PCMTD1: variants seen among roughly 807,000 people sequenced by gnomAD.
The protein encoded by PCMTD1 is protein-L-isoaspartate (D-aspartate) O-methyltransferase domain containing 1, also known as protein-L-isoaspartate O-methyltransferase domain-containing protein 1.
A neutral mutation model predicts 37.6 loss-of-function variants in PCMTD1; 12 were observed. The observed-to-expected ratio is 0.32, with a 90% CI of 0.20 to 0.52. The LOEUF is 0.52. Among genes scored for constraint, PCMTD1 ranks in the 20% least tolerant of loss-of-function variants. The probability of loss-of-function intolerance (pLI) is 0.97; values close to 1 mark genes in which losing one functional copy is unlikely to be tolerated. For synonymous variants in PCMTD1, 117 were observed against 135.8 expected (o/e 0.86, Z 0.96); for missense variants, 235 against 421.3 (o/e 0.56, Z 3.87).
intron 1 of PCMTD1, among the ~76,000 whole-genome samples, chr8:51,891,626 T>C (rs1431692637): frequency 6.7e-6 from 1 of 149,442 alleles, no homozygotes; most frequent in African/African-American, 2.5e-5. Flanking sequence ...AAAGAGAATA[T>C]ATCATTATTC....
At chr8:51,890,180 C>A (rs1257294965) in intron 1 of PCMTD1, among the ~76,000 whole-genome samples, 2 of 152,038 alleles carry the variant, frequency 1.3e-5, no homozygotes, top group African/African-American at 2.4e-5. Flanking sequence ...TTTCTAATTT[C>A]TCTGGTTCAT....
intron 1 of PCMTD1, among the ~76,000 whole-genome samples, chr8:51,889,951 CAAT>C (rs2038914557): frequency 1.2e-5 from 1 of 83,714 alleles, no homozygotes; most frequent in Non-Finnish European, 2.4e-5. Flanking sequence ...TGCCTAGATA[CAAT>C]AAAACCAGTG....
chr8:51,889,599 T>G (rs902934071), intron 1 of PCMTD1, among the ~76,000 whole-genome samples: 1 of 152,228 alleles, frequency 6.6e-6, no homozygotes. Context: ...GAAGTCATTC[T>G]GAGTCTTAGT....
intron 2 of PCMTD1, among the ~76,000 whole-genome samples, chr8:51,850,947 A>G (rs1296290028): frequency 6.6e-6 from 1 of 152,232 alleles, no homozygotes; most frequent in African/African-American, 2.4e-5. Flanking sequence ...ATAATGCACA[A>G]AAATAAAACA....
At chr8:51,863,896 C>G (rs2038511813) in intron 1 of PCMTD1, among the ~76,000 whole-genome samples, 1 of 149,834 alleles carries the variant, frequency 6.7e-6, no homozygotes, top group South Asian at 2.1e-4. Context: ...CACTGCACTC[C>G]AGTCTGGGCG....
chr8:51,825,524 C>G (rs2037909433), intron 5 of PCMTD1, among the ~76,000 whole-genome samples: 1 of 56,226 alleles, frequency 1.8e-5, no homozygotes, highest in African/African-American at 2.9e-5. Context: ...GAAACCCCGT[C>G]TCTACTAAAA....
At chr8:51,847,177 T>C (rs1261815699) in intron 2 of PCMTD1, among the ~76,000 whole-genome samples, 1 of 152,190 alleles carries the variant, frequency 6.6e-6, no homozygotes, top group Non-Finnish European at 1.5e-5. Context: ...ACTAAAATTT[T>C]TATATTCAAA....
chr8:51,882,175 C>G (rs2038801036), intron 1 of PCMTD1, among the ~76,000 whole-genome samples: 1 of 152,218 alleles, frequency 6.6e-6, no homozygotes, highest in African/African-American at 2.4e-5. Context: ...GGTAAGGCCT[C>G]TAGGCCTCTC....
intron 2 of PCMTD1, among the ~76,000 whole-genome samples, chr8:51,847,359 G>A (rs1380781817): frequency 6.6e-6 from 1 of 152,224 alleles, no homozygotes; most frequent in Non-Finnish European, 1.5e-5. Flanking sequence ...GGATGTGGTA[G>A]CTCATGCCTG....
At chr8:51,877,652 T>G (rs542438462) in intron 1 of PCMTD1, among the ~76,000 whole-genome samples, 1 of 152,350 alleles carries the variant, frequency 6.6e-6, no homozygotes, top group East Asian at 1.9e-4. Context: ...TACTTTACTT[T>G]ACTTTTCATA....
rs558684701 is a variant in PCMTD1 at position 51,871,166 on chromosome 8, G to A, written c.-95-9920C>T. Among the ~76,000 whole-genome samples the A allele has an allele frequency of 3.0e-4, 45 of 152,276 alleles. 1 individual carries two copies. In the South Asian group the frequency reaches 9.3e-3, roughly 32 times the overall value. ...AACACTGCTTCTCAAATCTAGCAAAGCTATCGCCTACTGACCTCCTTAAAG... is the reference window on the plus strand; with the variant it reads ...AACACTGCTTCTCAAATCTAGCAAAACTATCGCCTACTGACCTCCTTAAAG... On this transcript the variant is annotated intron_variant, in intron 1 of 5. Coordinates refer to ENST00000522514, the MANE Select transcript of PCMTD1 (RefSeq NM_052937.4).
At chr8:51,854,340 C>T (rs2038351538) in intron 2 of PCMTD1, among the ~76,000 whole-genome samples, 1 of 150,890 alleles carries the variant, frequency 6.6e-6, no homozygotes, top group Non-Finnish European at 1.5e-5. Flanking sequence ...TTGTCAGTAA[C>T]GACTTCTACT....
chr8:51,881,531 T>A (rs778298999), intron 1 of PCMTD1, among the ~76,000 whole-genome samples: 1 of 152,230 alleles, frequency 6.6e-6, no homozygotes, highest in Non-Finnish European at 1.5e-5. Flanking sequence ...GCATCTATAT[T>A]TACATCTACA....
rs775269366 is a variant in PCMTD1, at chr8:51,899,011, T to C, written c.-177A>G. ...CAGCCAGACGCCGCTACCACCACAATAACAACACGGACGCCACCGCCGAGT... is the reference window on the plus strand; with the variant it reads ...CAGCCAGACGCCGCTACCACCACAACAACAACACGGACGCCACCGCCGAGT... On this transcript the variant is annotated 5_prime_UTR_variant, in exon 1 of 6. Transcript: ENST00000522514. 294 of 1,513,086 alleles carry C rather than the reference T, an allele frequency of 1.9e-4. No homozygotes were observed. Among genetic ancestry groups the C allele is most frequent in the Middle Eastern group, 1.2e-3 (6 of 4,832 alleles). 93.7% of individuals were successfully genotyped at this position (1,513,086 alleles called of 1,614,324 possible).
At chr8:51,893,544 A>G (rs529133360) in intron 1 of PCMTD1, among the ~76,000 whole-genome samples, 1 of 152,320 alleles carries the variant, frequency 6.6e-6, no homozygotes, top group East Asian at 1.9e-4. Flanking sequence ...CTGTAAGATC[A>G]GAGAGTTTAT....
At chr8:51,864,462 T>C (rs922348889) in intron 1 of PCMTD1, among the ~76,000 whole-genome samples, 3 of 152,196 alleles carry the variant, frequency 2.0e-5, no homozygotes, top group African/African-American at 7.2e-5. Context: ...GGATATATTA[T>C]ATGTTTGTCT....
At chr8:51,843,119 T>C (rs1482776726) in intron 3 of PCMTD1, among the ~76,000 whole-genome samples, 1 of 151,916 alleles carries the variant, frequency 6.6e-6, no homozygotes, top group Non-Finnish European at 1.5e-5. Context: ...TCAAAACACA[T>C]GTAAGAACAA....
intron 3 of PCMTD1, among the ~76,000 whole-genome samples, chr8:51,837,074 T>G (rs996242718): frequency 3.3e-5 from 5 of 152,206 alleles, no homozygotes; most frequent in Admixed American, 2.6e-4. Context: ...GGGGGGCCTT[T>G]CTGAAGATCT....
chr8:51,848,167 C>A (rs1205547076), intron 2 of PCMTD1, among the ~76,000 whole-genome samples: 1 of 151,926 alleles, frequency 6.6e-6, no homozygotes, highest in African/African-American at 2.4e-5. Flanking sequence ...AAAACCAGGG[C>A]TGCATAGATA....
Sources: allele counts gnomAD v4.1 joint callset (sites outside exome capture counted in the v4.1 genomes callset), GRCh38; gene constraint gnomAD v4.1.1; transcripts MANE v1.5; gene names NCBI Gene and HGNC (gene_info 2026-07-23, HGNC 2026-07-21).